ESR1: variants seen among roughly 807,000 people sequenced by gnomAD.
ESR1 encodes estrogen receptor.
Under a neutral mutation model 52.7 loss-of-function variants are expected in ESR1, and 12 were observed. The ratio of observed to expected loss-of-function variants is 0.23; its 90% CI spans 0.15 to 0.37. ESR1 has a LOEUF of 0.37. Among genes scored for constraint, ESR1 ranks in the 10% least tolerant of loss-of-function variants. The pLI is 1.00. For missense variants in ESR1, 584 were observed against 779.7 expected (o/e 0.75, Z 2.99); for synonymous variants, 305 against 316.8 (o/e 0.96, Z 0.39).
intron 2 of ESR1, among the ~76,000 whole-genome samples, chr6:151,868,011 T>A (rs1216586183): frequency 6.6e-6 from 1 of 151,452 alleles, no homozygotes; most frequent in African/African-American, 2.4e-5. Context: ...GTTACAAAGG[T>A]ATATTGAGTG....
chr6:151,971,602 A>C (rs1190138645), intron 4 of ESR1, among the ~76,000 whole-genome samples: 1 of 152,174 alleles, frequency 6.6e-6, no homozygotes, highest in African/African-American at 2.4e-5. Context: ...AAATTCTTTG[A>C]GCTGAATGAT....
chr6:151,858,162 G>A (rs1370188604), intron 2 of ESR1, among the ~76,000 whole-genome samples: 1 of 152,186 alleles, frequency 6.6e-6, no homozygotes, highest in Non-Finnish European at 1.5e-5. Context: ...TTATCCATGA[G>A]CCCAAGAGAA....
At chr6:151,887,027 T>G (rs1468202133) in intron 3 of ESR1, among the ~76,000 whole-genome samples, 1 of 143,402 alleles carries the variant, frequency 7.0e-6, no homozygotes, top group Non-Finnish European at 1.5e-5. Flanking sequence ...GGTGACGGAA[T>G]GAGACTCCAT....
At chr6:152,046,213 C>T (rs978531424) in intron 5 of ESR1, among the ~76,000 whole-genome samples, 1 of 152,194 alleles carries the variant, frequency 6.6e-6, no homozygotes, top group African/African-American at 2.4e-5. Flanking sequence ...AATCCAGCCT[C>T]TCTGTTTGCA....
At chr6:151,998,482 G>A (rs2041683857) in intron 4 of ESR1, among the ~76,000 whole-genome samples, 1 of 151,950 alleles carries the variant, frequency 6.6e-6, no homozygotes, top group South Asian at 2.1e-4. Context: ...CCAAGATGAG[G>A]GCAAATGCAT....
chr6:151,948,310 G>A (rs79084925), intron 4 of ESR1, among the ~76,000 whole-genome samples: 24,457 of 152,010 alleles, frequency 0.16, 2,248 homozygotes, highest in African/African-American at 0.23. Flanking sequence ...TACATGTCTC[G>A]AAAGCAATTT....
chr6:151,759,052 G>A (rs950313788), intron 2 of ESR1, among the ~76,000 whole-genome samples: 5 of 151,914 alleles, frequency 3.3e-5, no homozygotes, highest in Admixed American at 1.3e-4. Context: ...CAAGGCAGGC[G>A]GATCAGGAGG....
At chr6:151,864,811 C>T (rs1356138769) in intron 2 of ESR1, among the ~76,000 whole-genome samples, 2 of 151,886 alleles carry the variant, frequency 1.3e-5, no homozygotes, top group South Asian at 2.1e-4. Flanking sequence ...AGCTGGAAAC[C>T]ATCATTCTCA....
At chr6:151,718,476 A>G (rs747547242) in intron 2 of ESR1, among the ~76,000 whole-genome samples, 16 of 152,194 alleles carry the variant, frequency 1.1e-4, no homozygotes, top group Non-Finnish European at 1.9e-4. Context: ...ACCATGCATG[A>G]GATTTTTCCC....
chr6:151,974,104 C>A (rs1443738827), intron 4 of ESR1, among the ~76,000 whole-genome samples: 1 of 152,084 alleles, frequency 6.6e-6, no homozygotes, highest in South Asian at 2.1e-4. Flanking sequence ...GGTTTTTCAA[C>A]CCCTGATTTA....
At chr6:151,946,208 G>A (rs2035685068) in intron 4 of ESR1, among the ~76,000 whole-genome samples, 1 of 152,106 alleles carries the variant, frequency 6.6e-6, no homozygotes, top group Admixed American at 6.5e-5. Context: ...TCATATATTT[G>A]AGAGCCAACT....
rs140218318 is a variant in ESR1 at position 151,823,635 on chromosome 6, C to T, written c.452+15271C>T. Among the ~76,000 whole-genome samples, 888 of 151,674 alleles carry T rather than the reference C, an allele frequency of 5.9e-3. 4 individuals carry two copies. Among genetic ancestry groups the T allele is most frequent in the African/African-American group, 0.021 (863 of 41,348 alleles). On this transcript the variant is annotated intron_variant, in intron 1 of 7. Coordinates refer to ENST00000206249, the MANE Select transcript of ESR1 (RefSeq NM_000125.4). ...ATCCCTCCCCCCTACCCCCACCCCA[C>T]GACAGGTCCCGGAGTGTGATGTTCC...
intron 3 of ESR1, among the ~76,000 whole-genome samples, chr6:151,897,932 T>C (rs1584040002): frequency 6.6e-6 from 1 of 152,202 alleles, no homozygotes; most frequent in Admixed American, 6.5e-5. Context: ...TGAAAAAGAC[T>C]GTATCTGTCC....
chr6:152,020,911 T>C (rs1265406698), intron 5 of ESR1, among the ~76,000 whole-genome samples: 1 of 152,222 alleles, frequency 6.6e-6, no homozygotes, highest in Non-Finnish European at 1.5e-5. Context: ...TCTACCCTGG[T>C]ATAATTGATT....
chr6:151,850,042 A>T (rs1395169456), intron 2 of ESR1, among the ~76,000 whole-genome samples: 4 of 126,992 alleles, frequency 3.1e-5, no homozygotes, highest in Non-Finnish European at 6.4e-5. Context: ...ATATATATAT[A>T]ATTTTATATA....
chr6:151,807,734 C>G lies in ESR1; in HGVS notation c.-179C>G, dbSNP rs1224925214. On this transcript the variant is annotated 5_prime_UTR_variant, in exon 1 of 8. Transcript: ENST00000206249. ...CTGCACTTGCTCCCGTCGGGTCGCC[C>G]GGCTTCACCGGACCCGCAGGCTCCC... The G allele has an allele frequency of 8.8e-6, 6 of 680,716 alleles. No homozygotes were observed. The highest frequency in any genetic ancestry group is 4.4e-5 in the Admixed American group (2 of 45,330). The allele number at this position is 680,716 out of a possible 1,614,324, so 42.2% of individuals were successfully genotyped here. A position where few individuals can be genotyped will look rare whatever the true frequency, so the allele number is the denominator to read the frequency against.
chr6:152,035,623 A>G (rs72993605), intron 5 of ESR1, among the ~76,000 whole-genome samples: 2,410 of 152,292 alleles, frequency 0.016, 29 homozygotes, highest in Non-Finnish European at 0.023. Flanking sequence ...GATGAAAATT[A>G]AAGTTGAGAG....
chr6:151,693,934 A>C (rs1390894664), intron 1 of ESR1, among the ~76,000 whole-genome samples: 1 of 152,170 alleles, frequency 6.6e-6, no homozygotes, highest in African/African-American at 2.4e-5. Context: ...TGATGTTCTA[A>C]TTCAATGTGA....
At chr6:152,038,183 A>G (rs1172871016) in intron 5 of ESR1, among the ~76,000 whole-genome samples, 1 of 152,188 alleles carries the variant, frequency 6.6e-6, no homozygotes, top group Non-Finnish European at 1.5e-5. Context: ...GAGGGCAGGA[A>G]GCATCCGTCA....
Sources: gnomAD v4.1 joint callset for allele counts (sites outside exome capture counted in the v4.1 genomes callset) on GRCh38, gnomAD v4.1.1 for gene constraint, MANE v1.5 for transcripts, NCBI Gene and HGNC (gene_info 2026-07-23, HGNC 2026-07-21) for gene names.